The following FKTN variants were observed in gnomAD, a reference collection of about 807,000 sequenced individuals.
FKTN encodes ribitol-5-phosphate transferase FKTN.
Under a neutral mutation model 58.6 loss-of-function variants are expected in FKTN, and 47 were observed. The ratio of observed to expected loss-of-function variants is 0.80; its 90% confidence interval spans 0.63 to 1.02. The LOEUF (loss-of-function observed/expected upper bound fraction) is 1.02, where lower values mean the gene tolerates loss of function less well. Ranked by LOEUF, FKTN falls within the 50% of genes least tolerant of loss-of-function variation. FKTN has a pLI of 0.00. For missense variants in FKTN, 516 were observed against 537.3 expected, an observed-to-expected ratio of 0.96 and a Z score of 0.39; for synonymous variants, 178 against 191.9, an observed-to-expected ratio of 0.93 and a Z score of 0.60.
Position 105,578,230 on chromosome 9 carries a change from A to G in FKTN, c.105+3093A>G, listed in dbSNP as rs1215946903. ...TGTTGAATAGGAGTGGTGAGAGAGG[A>G]CATCCCTGTCTTGTGCCAGTTTTCA... On this transcript the variant is annotated intron_variant, in intron 3 of 10. Transcript: ENST00000357998. Among the ~76,000 whole-genome samples, 95 of 149,730 alleles carry G rather than the reference A, an allele frequency of 6.3e-4. 1 individual carries two copies. In the Middle Eastern group the frequency reaches 0.014, roughly 22 times the overall value.
chr9:105,629,129 C>A (rs772275037), intron 10 of FKTN, among the ~76,000 whole-genome samples: 1 of 151,978 alleles, frequency 6.6e-6, no homozygotes, highest in Non-Finnish European at 1.5e-5. Context: ...GGGGAAGACC[C>A]GGTGAGAGGA....
rs566300571 is a variant in FKTN at position 105,630,181 on chromosome 9, C to T, written c.1173-4870C>T. ...AAACTGGCACGTTGTGCACATGTAC[C>T]CTAGAACTTCAAGTATAATTAAAAA... On this transcript the variant is annotated intron_variant, in intron 10 of 10. Coordinates refer to ENST00000357998, the MANE Select transcript of FKTN (RefSeq NM_001079802.2). Among the ~76,000 whole-genome samples the T allele has an allele frequency of 2.0e-5, 3 of 151,844 alleles. No individual in the cohort carries two copies. In the South Asian group the frequency reaches 6.3e-4, roughly 32 times the overall value.
intron 3 of FKTN, among the ~76,000 whole-genome samples, chr9:105,581,680 T>C (rs576681387): frequency 0.012 from 1,876 of 152,318 alleles, 53 homozygotes; most frequent in African/African-American, 0.043. Flanking sequence ...CTCCTTGAAC[T>C]GTGGTGGGCT....
chr9:105,570,767 T>C (rs1031637883), intron 1 of FKTN, among the ~76,000 whole-genome samples: 10 of 152,094 alleles, frequency 6.6e-5, no homozygotes, highest in Non-Finnish European at 1.3e-4. Flanking sequence ...AAAACTAGGT[T>C]GGAGGTGGAG....
In FKTN at chr9:105,638,852, T is replaced by A. The variant is rs1012065523; in HGVS notation, c.*3588T>A. ...TGTGACCTCAAACCATTGTTTTTATTCTTACACGACTACAGTACTTCAAAT... is the reference window on the plus strand; with the variant it reads ...TGTGACCTCAAACCATTGTTTTTATACTTACACGACTACAGTACTTCAAAT... On this transcript the variant is annotated 3_prime_UTR_variant, in exon 11 of 11. Coordinates refer to ENST00000357998, the MANE Select transcript of FKTN (RefSeq NM_001079802.2). The A allele has an allele frequency of 1.3e-5, 13 of 984,822 alleles. No homozygotes were observed. The highest frequency in any genetic ancestry group is 1.6e-5 in the Non-Finnish European group (13 of 829,546). The allele number at this position is 984,822 out of a possible 1,614,324, so 61.0% of individuals were successfully genotyped here.
Position 105,604,362 on chromosome 9 carries a change from T to A in FKTN, c.517T>A (p.Leu173Met). The change falls in exon 6 of 11, where the codon TTG becomes ATG. Residue 173 changes from leucine to methionine, a missense_variant. Leu to Met is a conservative substitution (Grantham distance 15, BLOSUM62 2). Coordinates refer to ENST00000357998, the MANE Select transcript of FKTN (RefSeq NM_001079802.2). ...ICKLATHAIH[L>M]VVFHERSGNY... ...CAAACTGGCCACTCATGCGATCCAC[T>A]TGGTAGTCTTTCATGAGAGGAGTGG... 1.2e-6 allele frequency: 2 copies of A among 1,614,148 alleles called. No homozygotes were observed. Among genetic ancestry groups the A allele is most frequent in the Non-Finnish European group, 8.5e-7 (1 of 1,179,986 alleles).
At chr9:105,602,214 A>G (rs1828001923) in intron 5 of FKTN, among the ~76,000 whole-genome samples, 2 of 152,220 alleles carry the variant, frequency 1.3e-5, no homozygotes, top group South Asian at 2.1e-4. Context: ...GTTTTTCACT[A>G]TGTGATTATG....
At chr9:105,575,418 C>G (rs1841486738) in intron 3 of FKTN, among the ~76,000 whole-genome samples, 7 of 152,058 alleles carry the variant, frequency 4.6e-5, no homozygotes, top group Admixed American at 4.6e-4. Context: ...TAAATGAACT[C>G]AATGATAAAT....
intron 2 of FKTN, among the ~76,000 whole-genome samples, chr9:105,574,529 C>T (rs1392461035): frequency 1.3e-5 from 2 of 151,702 alleles, no homozygotes; most frequent in Non-Finnish European, 2.9e-5. Context: ...AGCTGTCTTA[C>T]AGGCCATGTT....
In FKTN at chr9:105,635,701, T is replaced by A. The variant is rs1833982123; in HGVS notation, c.*437T>A. ...CCACTCCTCTTCTGGGCATTTAAGC[T>A]GGTATGTTAGTGCTACTTTTAAGAT... On this transcript the variant is annotated 3_prime_UTR_variant, in exon 11 of 11. Transcript: ENST00000357998. The A allele has an allele frequency of 9.5e-7, 1 of 1,049,074 alleles. No homozygotes were observed. The highest frequency in any genetic ancestry group is 5.0e-5 in the Admixed American group (1 of 20,070). 65.0% of individuals were successfully genotyped at this position (1,049,074 alleles called of 1,614,324 possible).
intron 6 of FKTN, among the ~76,000 whole-genome samples, chr9:105,605,936 AC>A (rs1434249534): frequency 1.3e-5 from 2 of 152,116 alleles, no homozygotes; most frequent in East Asian, 3.8e-4. Flanking sequence ...GGTGATAGAT[AC>A]CCCATTTACT....
intron 1 of FKTN, among the ~76,000 whole-genome samples, chr9:105,570,661 A>G (rs776044443): frequency 6.6e-6 from 1 of 152,074 alleles, no homozygotes; most frequent in Admixed American, 6.6e-5. Flanking sequence ...AGGGAAGTGT[A>G]TCTTATTTGT....
intron 10 of FKTN, among the ~76,000 whole-genome samples, chr9:105,632,294 G>C (rs969914825): frequency 1.3e-4 from 20 of 152,128 alleles, no homozygotes; most frequent in African/African-American, 4.6e-4. Flanking sequence ...GGGAGGGATA[G>C]CATCGGGAGA....
Position 105,635,227 on chromosome 9 carries a change from C to T in FKTN, c.1349C>T (p.Pro450Leu), listed in dbSNP as rs374010294. The T allele has an allele frequency of 1.2e-6, 2 of 1,613,944 alleles. No individual in the cohort carries two copies. The highest frequency in any genetic ancestry group is 1.7e-6 in the Non-Finnish European group (2 of 1,180,000). ...PPNVQPNGIW[P>L]ISEWDEVIQL... ...AATGTGCAACCCAATGGAATCTGGC[C>T]TATTTCTGAGTGGGATGAGGTTATC... Residue 450 changes from proline (P) to leucine (L), a missense_variant, in exon 11 of 11, where the codon CCT becomes CTT. Transcript: ENST00000357998.
At chr9:105,596,516 T>C (rs979695223) in intron 3 of FKTN, 82 bp from the exon 4 acceptor site, 3 of 868,320 alleles carry the variant, frequency 3.5e-6, no homozygotes, top group Non-Finnish European at 5.9e-6. Flanking sequence ...CTAATTATAT[T>C]TTGAATCTCA....
chr9:105,623,663 A>C (rs564615805), intron 10 of FKTN, among the ~76,000 whole-genome samples: 4 of 152,286 alleles, frequency 2.6e-5, no homozygotes, highest in African/African-American at 7.2e-5. Flanking sequence ...GTAATTTATC[A>C]CTTCATTTCT....
intron 10 of FKTN, among the ~76,000 whole-genome samples, chr9:105,631,202 C>A (rs1023715719): frequency 2.0e-5 from 3 of 152,072 alleles, no homozygotes; most frequent in Admixed American, 6.6e-5. Flanking sequence ...CTAGAGTGAG[C>A]AATCATGTTT....
Position 105,635,116 on chromosome 9 carries a change from G to T in FKTN, c.1238G>T (p.Cys413Phe). 1.2e-6 allele frequency: 2 copies of T among 1,614,126 alleles called. No homozygotes were observed. The highest frequency in any genetic ancestry group is 1.7e-6 in the Non-Finnish European group (2 of 1,179,980). Residue 413 changes from cysteine to phenylalanine, a missense_variant, in exon 11 of 11, where the codon TGT becomes TTT. Physicochemically the swap from Cys to Phe is radical, Grantham distance 205 (BLOSUM62 -2). Transcript: ENST00000357998. ...EFVDMKVHVP[C>F]ETLEYIEANY... is the part of the protein sequence containing the mutation. ...GTAGACATGAAGGTCCATGTACCCT[G>T]TGAAACCCTCGAATACATTGAAGCC...
At chr9:105,588,078 G>A (rs1844222112) in intron 3 of FKTN, among the ~76,000 whole-genome samples, 1 of 152,154 alleles carries the variant, frequency 6.6e-6, no homozygotes, top group African/African-American at 2.4e-5. Flanking sequence ...CATAATTAAT[G>A]ATCATGCTGA....
Sources: gnomAD v4.1 joint callset for allele counts (sites outside exome capture counted in the v4.1 genomes callset) on GRCh38, gnomAD v4.1.1 for gene constraint, MANE v1.5 for transcripts, NCBI Gene and HGNC (gene_info 2026-07-23, HGNC 2026-07-21) for gene names.